Variants in NRCAM observed in about 807,000 individuals in gnomAD.
The protein encoded by NRCAM is neuronal cell adhesion molecule.
A neutral mutation model predicts 156.5 loss-of-function variants in NRCAM; 83 were observed. The ratio of observed to expected loss-of-function variants is 0.53; its 90% CI spans 0.44 to 0.64. NRCAM has a LOEUF of 0.64. NRCAM is among the 30% of genes least tolerant of loss of function. The probability of loss-of-function intolerance (pLI) is 0.00; values close to 1 mark genes in which losing one functional copy is unlikely to be tolerated. For missense variants in NRCAM, 1,417 were observed against 1,597.3 expected, an observed-to-expected ratio of 0.89 and a Z score of 1.92; for synonymous variants, 538 against 563.9, an observed-to-expected ratio of 0.95 and a Z score of 0.65.
At chr7:108,231,320 A>C (rs1004103246) in intron 7 of NRCAM, among the ~76,000 whole-genome samples, 167 bp from the exon 8 acceptor site, 7 of 152,220 alleles carry the variant, frequency 4.6e-5, no homozygotes, top group Admixed American at 3.9e-4. Context: ...AAAAAAGTAA[A>C]AATTTAAAAA....
At chr7:108,261,393 T>G (rs2096883225) in intron 3 of NRCAM, among the ~76,000 whole-genome samples, 1 of 152,234 alleles carries the variant, frequency 6.6e-6, no homozygotes, top group African/African-American at 2.4e-5. Context: ...AGCTCTCTTT[T>G]GCTCCACACA....
intron 2 of NRCAM, among the ~76,000 whole-genome samples, chr7:108,383,815 G>T (rs1459478141): frequency 1.3e-5 from 2 of 152,130 alleles, no homozygotes; most frequent in African/African-American, 4.8e-5. Context: ...TATGTTGGGG[G>T]TGTGTGCTTG....
chr7:108,336,408 G>A (rs769196281), intron 2 of NRCAM, among the ~76,000 whole-genome samples: 1 of 152,232 alleles, frequency 6.6e-6, no homozygotes, highest in Non-Finnish European at 1.5e-5. Flanking sequence ...AGAGCGATTA[G>A]CTGATTTAAC....
intron 1 of NRCAM, among the ~76,000 whole-genome samples, chr7:108,452,345 TATC>T (rs1400242209): frequency 6.6e-6 from 1 of 152,196 alleles, no homozygotes; most frequent in African/African-American, 2.4e-5. Context: ...TATATCAAAA[TATC>T]ATGTTGTACA....
chr7:108,255,626 C>T (rs1291002748), intron 3 of NRCAM, among the ~76,000 whole-genome samples: 1 of 151,718 alleles, frequency 6.6e-6, no homozygotes, highest in Non-Finnish European at 1.5e-5. Flanking sequence ...CCTGGCTGCC[C>T]ATCGTCTGGG....
chr7:108,309,748 T>G (rs2098774106), intron 3 of NRCAM, among the ~76,000 whole-genome samples: 1 of 152,046 alleles, frequency 6.6e-6, no homozygotes, highest in South Asian at 2.1e-4. Flanking sequence ...TTGTAGCTAC[T>G]CAGGAGGCTG....
chr7:108,414,621 T>C (rs1799236248), intron 1 of NRCAM, among the ~76,000 whole-genome samples: 1 of 152,128 alleles, frequency 6.6e-6, no homozygotes, highest in Non-Finnish European at 1.5e-5. Context: ...TGAATGTAAT[T>C]AGAGGGCAAA....
At chr7:108,381,643 T>G (rs112909645) in intron 2 of NRCAM, among the ~76,000 whole-genome samples, 14,745 of 149,268 alleles carry the variant, frequency 0.099, 900 homozygotes, top group African/African-American at 0.17. Flanking sequence ...CACTTCAACC[T>G]CCGCCTCCCA....
chr7:108,313,047 A>G (rs2098825096), intron 2 of NRCAM, among the ~76,000 whole-genome samples: 1 of 152,182 alleles, frequency 6.6e-6, no homozygotes. Flanking sequence ...TACAGTGTGG[A>G]TAAAATACTT....
At chr7:108,156,573 G>A (rs1203837018) in intron 32 of NRCAM, 3 of 181,998 alleles carry the variant, frequency 1.6e-5, no homozygotes, top group Middle Eastern at 2.9e-3. Flanking sequence ...CACCAGTGAG[G>A]TTCTATCCCT....
At chr7:108,355,348 C>A (rs2099485457) in intron 2 of NRCAM, among the ~76,000 whole-genome samples, 1 of 152,118 alleles carries the variant, frequency 6.6e-6, no homozygotes. Context: ...AAGTGAAGAA[C>A]TTTTATTTCT....
intron 7 of NRCAM, among the ~76,000 whole-genome samples, chr7:108,231,653 A>T (rs1289469774): frequency 1.3e-5 from 2 of 152,190 alleles, no homozygotes; most frequent in Admixed American, 6.5e-5. Flanking sequence ...ACATACATAC[A>T]TATCTGCCTA....
chr7:108,168,912 A>T (rs2056708241), intron 28 of NRCAM, among the ~76,000 whole-genome samples: 1 of 152,188 alleles, frequency 6.6e-6, no homozygotes, highest in Non-Finnish European at 1.5e-5. Context: ...GATCTGTTTT[A>T]AAAAACAGAC....
At chr7:108,446,623 A>T (rs1382227439) in intron 1 of NRCAM, among the ~76,000 whole-genome samples, 1 of 152,090 alleles carries the variant, frequency 6.6e-6, no homozygotes, top group Non-Finnish European at 1.5e-5. Context: ...CTGGATGACT[A>T]GTTATCTGCT....
chr7:108,397,026 G>A (rs1284586439), intron 2 of NRCAM, among the ~76,000 whole-genome samples: 2 of 152,130 alleles, frequency 1.3e-5, no homozygotes, highest in Non-Finnish European at 2.9e-5. Context: ...AAGTGTCATT[G>A]GTGTGAACTG....
chr7:108,299,134 G>GAAAGAAAGAAAGAAAGAAAGAAAGA (rs1563164581), intron 3 of NRCAM, among the ~76,000 whole-genome samples: 1 of 85,568 alleles, frequency 1.2e-5, no homozygotes, highest in East Asian at 3.1e-4. Context: ...AAGAAAGAAA[G>GAAAGAAAGAAAGAAAGAAAGAAAGA]AAAGAAAAGA....
At chr7:108,197,851 G>T in intron 14 of NRCAM, 105 bp downstream of exon 14, 1 of 771,196 alleles carries the variant, frequency 1.3e-6, no homozygotes, top group Non-Finnish European at 2.0e-6. Flanking sequence ...TCCAAGTACT[G>T]TGCATTGCAC....
At chr7:108,254,964 T>C (rs1340394662) in intron 3 of NRCAM, among the ~76,000 whole-genome samples, 3 of 152,160 alleles carry the variant, frequency 2.0e-5, no homozygotes, top group Non-Finnish European at 4.4e-5. Flanking sequence ...CAAATGTATA[T>C]AGCAGCATTA....
intron 2 of NRCAM, among the ~76,000 whole-genome samples, chr7:108,386,080 A>G (rs997222841): frequency 1.3e-5 from 2 of 152,126 alleles, no homozygotes; most frequent in Non-Finnish European, 2.9e-5. Flanking sequence ...CTGTAATGTG[A>G]TAAGTATATA....
Sources: allele counts gnomAD v4.1 joint callset (sites outside exome capture counted in the v4.1 genomes callset), GRCh38; gene constraint gnomAD v4.1.1; transcripts MANE v1.5; gene names NCBI Gene and HGNC (gene_info 2026-07-23, HGNC 2026-07-21).